The following BCR variants were observed in gnomAD, a reference collection of about 807,000 sequenced individuals.
The protein encoded by BCR is BCR activator of RhoGEF and GTPase.
Under a neutral mutation model 138.6 loss-of-function variants are expected in BCR, and 58 were observed. That is an observed-to-expected ratio of 0.42 (90% CI 0.34 to 0.52). BCR has a LOEUF of 0.52. Among genes scored for constraint, BCR ranks in the 20% least tolerant of loss-of-function variants. The probability of loss-of-function intolerance (pLI) is 0.06; values close to 1 mark genes in which losing one functional copy is unlikely to be tolerated. For missense variants in BCR, 1,599 were observed against 1,727.2 expected, an observed-to-expected ratio of 0.93 and a Z score of 1.32; for synonymous variants, 786 against 730.1, an observed-to-expected ratio of 1.08 and a Z score of -1.23.
intron 1 of BCR, among the ~76,000 whole-genome samples, chr22:23,235,030 A>G (rs936386884): frequency 6.9e-6 from 1 of 144,118 alleles, no homozygotes; most frequent in Non-Finnish European, 1.6e-5. Flanking sequence ...GGTGAAAACC[A>G]GGGTCAGCTC....
rs554517491 is a variant in BCR at position 23,180,849 on chromosome 22, G to GC, written c.-111dup. The GC allele has an allele frequency of 9.2e-3, 4,046 of 438,846 alleles. 146 individuals are homozygous for GC. The Admixed American group carries it at 0.2, about 21-fold the overall frequency. 27.2% of individuals were successfully genotyped at this position (438,846 alleles called of 1,614,324 possible). A position where few individuals can be genotyped will look rare whatever the true frequency, so the allele number is the denominator to read the frequency against. On this transcript the variant is annotated 5_prime_UTR_variant, in exon 1 of 23. Coordinates refer to ENST00000305877, the MANE Select transcript of BCR (RefSeq NM_004327.4). ...GGCATTGTTCGCCGCCGCCGCCGCC[G>GC]CGCGGGCCATGGGGGCCGCCCGGCG...
intron 20 of BCR, 128 bp downstream of exon 20, chr22:23,313,149 C>T: frequency 8.2e-7 from 1 of 1,218,222 alleles, no homozygotes; most frequent in South Asian, 1.4e-5. Flanking sequence ...GCATTTTAAC[C>T]CAACCTCAAA....
chr22:23,284,219 G>A, intron 9 of BCR, 121 bp downstream of exon 9: 1 of 1,402,806 alleles, frequency 7.1e-7, no homozygotes, highest in Non-Finnish European at 9.6e-7. Context: ...TTTCTACTTG[G>A]GCACAATGCC....
At chr22:23,212,034 C>T (rs2072690975) in intron 1 of BCR, among the ~76,000 whole-genome samples, 1 of 152,214 alleles carries the variant, frequency 6.6e-6, no homozygotes, top group African/African-American at 2.4e-5. Flanking sequence ...CCTCAGCCTC[C>T]CATAAGGGTC....
At position 23,258,255 on chromosome 22, in the gene BCR, G is replaced by A. The variant is rs1250125741; in HGVS notation, c.1462-2695G>A. ...CTTAGGAGATTCCCAGGGCAAAAAG[G>A]TGGCCCAGGAAGGCTTTTTAGATGG... On this transcript the variant is annotated intron_variant, in intron 2 of 22. Transcript: ENST00000305877. Among the ~76,000 whole-genome samples, 3 of 146,348 alleles carry A rather than the reference G, an allele frequency of 2.0e-5. No individual in the cohort carries two copies. The Admixed American group carries it at 2.1e-4, about 10-fold the overall frequency.
intron 16 of BCR, among the ~76,000 whole-genome samples, chr22:23,309,155 C>A (rs1602131816): frequency 6.6e-6 from 1 of 152,086 alleles, no homozygotes; most frequent in African/African-American, 2.4e-5. Flanking sequence ...TGCCAGCCTG[C>A]ACATCAGCTC....
chr22:23,189,909 G>T (rs916404399), intron 1 of BCR, among the ~76,000 whole-genome samples: 1 of 152,166 alleles, frequency 6.6e-6, no homozygotes, highest in Non-Finnish European at 1.5e-5. Context: ...GGGCCTTCAC[G>T]CCCTTAGCTT....
chr22:23,288,481 G>A (rs2073744034), intron 12 of BCR, among the ~76,000 whole-genome samples: 1 of 141,406 alleles, frequency 7.1e-6, no homozygotes, highest in Non-Finnish European at 1.5e-5. Context: ...ACACACCCCT[G>A]CCATCTCCCC....
intron 1 of BCR, among the ~76,000 whole-genome samples, chr22:23,221,176 CTT>C (rs2072820144): frequency 6.6e-6 from 1 of 152,220 alleles, no homozygotes; most frequent in African/African-American, 2.4e-5. Context: ...TTTGCTCCCT[CTT>C]TTACAAATTG....
chr22:23,263,506 C>T, intron 4 of BCR: 4 of 1,572,308 alleles, frequency 2.5e-6, no homozygotes, highest in Non-Finnish European at 3.5e-6. Flanking sequence ...GAGGATGATG[C>T]TTTGTACATA....
At chr22:23,226,915 T>G (rs2072900946) in intron 1 of BCR, among the ~76,000 whole-genome samples, 1 of 152,014 alleles carries the variant, frequency 6.6e-6, no homozygotes, top group Admixed American at 6.6e-5. Context: ...TAGGTTTGGG[T>G]TTGGGGGAGA....
At chr22:23,280,481 A>G (rs1029054068) in intron 8 of BCR, among the ~76,000 whole-genome samples, 1 of 152,208 alleles carries the variant, frequency 6.6e-6, no homozygotes, top group African/African-American at 2.4e-5. Context: ...TGACTGTCAC[A>G]TTCCCACCTG....
chr22:23,275,186 CTGG>C (rs1209733900), intron 8 of BCR, among the ~76,000 whole-genome samples: 1 of 152,224 alleles, frequency 6.6e-6, no homozygotes, highest in African/African-American at 2.4e-5. Context: ...CAGGTTTCTC[CTGG>C]TGGGCCTGGC....
intron 16 of BCR, chr22:23,306,810 C>G (rs1029167401): frequency 6.6e-6 from 1 of 152,514 alleles, no homozygotes; most frequent in African/African-American, 2.4e-5. Context: ...CCACCCTGGC[C>G]ATGATGCAGG....
intron 1 of BCR, among the ~76,000 whole-genome samples, chr22:23,192,482 G>C (rs1199544361): frequency 6.6e-6 from 1 of 152,234 alleles, no homozygotes; most frequent in African/African-American, 2.4e-5. Context: ...CTTTGGTCTG[G>C]TGGGAAGACA....
intron 14 of BCR, 131 bp downstream of exon 14, chr22:23,290,544 C>G (rs541655893): frequency 1.1e-6 from 1 of 933,160 alleles, no homozygotes; most frequent in African/African-American, 1.6e-5. Context: ...TGACCCTGGC[C>G]GCTGTGGAGT....
intron 4 of BCR, among the ~76,000 whole-genome samples, chr22:23,268,015 C>G (rs1410631065): frequency 6.6e-6 from 1 of 152,198 alleles, no homozygotes; most frequent in Non-Finnish European, 1.5e-5. Flanking sequence ...GGGGTGACCT[C>G]TGTGTCCAGG....
chr22:23,301,011 A>G (rs972032174), intron 16 of BCR, among the ~76,000 whole-genome samples: 2 of 152,204 alleles, frequency 1.3e-5, no homozygotes, highest in African/African-American at 2.4e-5. Flanking sequence ...TGATTTAGCA[A>G]CCTAGAAAAT....
chr22:23,198,426 C>A (rs1425845220), intron 1 of BCR: 5 of 423,692 alleles, frequency 1.2e-5, no homozygotes, highest in Non-Finnish European at 1.8e-5. Flanking sequence ...TTGGTGACCC[C>A]CAAAGAGAGG....
Sources: gnomAD v4.1 joint callset for allele counts (sites outside exome capture counted in the v4.1 genomes callset) on GRCh38, gnomAD v4.1.1 for gene constraint, MANE v1.5 for transcripts, NCBI Gene and HGNC (gene_info 2026-07-23, HGNC 2026-07-21) for gene names.